Variants in GPC6 observed in about 807,000 individuals in gnomAD.
The protein encoded by GPC6 is glypican-6.
Under a neutral mutation model 55.2 loss-of-function variants are expected in GPC6, and 14 were observed. That is an observed-to-expected ratio of 0.25 (90% confidence interval 0.17 to 0.40). The LOEUF (loss-of-function observed/expected upper bound fraction) is 0.40, where lower values mean the gene tolerates loss of function less well. Among genes scored for constraint, GPC6 ranks in the 10% least tolerant of loss-of-function variants. The pLI is 1.00. For missense variants in GPC6, 641 were observed against 708.5 expected (o/e 0.90, Z 1.08); for synonymous variants, 278 against 259.6 (o/e 1.07, Z -0.68).
At chr13:93,281,244 TA>T (rs925717971) in intron 1 of GPC6, among the ~76,000 whole-genome samples, 5 of 152,174 alleles carry the variant, frequency 3.3e-5, no homozygotes, top group African/African-American at 1.2e-4. Context: ...TGTTGTTTTT[TA>T]AACAGCAACA....
intron 2 of GPC6, among the ~76,000 whole-genome samples, chr13:93,647,676 C>G (rs143946631): frequency 2.4e-4 from 37 of 152,300 alleles, no homozygotes; most frequent in Admixed American, 2.4e-3. Context: ...GTGATTCTTC[C>G]ATAACTGTCA....
chr13:94,047,467 G>A (rs1167678370), intron 4 of GPC6, among the ~76,000 whole-genome samples: 1 of 151,668 alleles, frequency 6.6e-6, no homozygotes, highest in Non-Finnish European at 1.5e-5. Context: ...AGTTAAAGTT[G>A]CATTCCCTGA....
chr13:93,746,518 A>G (rs191507205), intron 2 of GPC6, among the ~76,000 whole-genome samples: 52 of 152,308 alleles, frequency 3.4e-4, no homozygotes, highest in African/African-American at 1.2e-3. Context: ...AATGTGAGCA[A>G]GCATACACTT....
At chr13:93,382,639 A>G (rs1875227909) in intron 1 of GPC6, among the ~76,000 whole-genome samples, 2 of 152,192 alleles carry the variant, frequency 1.3e-5, no homozygotes, top group Non-Finnish European at 2.9e-5. Flanking sequence ...CAGTCAAATA[A>G]TCTTATAAAG....
At chr13:93,271,489 A>T (rs1000540932) in intron 1 of GPC6, among the ~76,000 whole-genome samples, 51 of 152,098 alleles carry the variant, frequency 3.4e-4, no homozygotes, top group African/African-American at 1.1e-3. Flanking sequence ...ACAGTTGATA[A>T]AATGCAGGCG....
chr13:94,261,869 C>A (rs2139050723), intron 4 of GPC6, among the ~76,000 whole-genome samples: 1 of 152,294 alleles, frequency 6.6e-6, no homozygotes, highest in Non-Finnish European at 1.5e-5. Flanking sequence ...TATTGGGAGA[C>A]AAACAAGACC....
chr13:93,446,970 G>T (rs978114794), intron 1 of GPC6, among the ~76,000 whole-genome samples: 1 of 151,806 alleles, frequency 6.6e-6, no homozygotes, highest in Non-Finnish European at 1.5e-5. Context: ...TTTTGGGGGG[G>T]TGGGTGGTGG....
chr13:93,574,650 C>T (rs1876571086), intron 2 of GPC6, among the ~76,000 whole-genome samples: 1 of 152,140 alleles, frequency 6.6e-6, no homozygotes, highest in South Asian at 2.1e-4. Flanking sequence ...CAGAGATGTG[C>T]AACCATCACC....
chr13:93,358,351 A>T (rs923268959), intron 1 of GPC6, among the ~76,000 whole-genome samples: 2 of 152,154 alleles, frequency 1.3e-5, no homozygotes, highest in African/African-American at 2.4e-5. Context: ...AAGACAAAAA[A>T]AAATGGTTAA....
chr13:93,285,636 G>T, intron 1 of GPC6, among the ~76,000 whole-genome samples: 1 of 149,226 alleles, frequency 6.7e-6, no homozygotes, highest in South Asian at 2.1e-4. Flanking sequence ...GTGTGTGTGT[G>T]TGTGTGTGTG....
intron 4 of GPC6, among the ~76,000 whole-genome samples, chr13:94,227,928 T>C (rs1396771086): frequency 6.6e-6 from 1 of 152,128 alleles, no homozygotes; most frequent in Non-Finnish European, 1.5e-5. Context: ...TATTTCACTC[T>C]CAGTTCCTCA....
At chr13:93,964,325 A>G (rs1879920268) in intron 3 of GPC6, among the ~76,000 whole-genome samples, 1 of 152,200 alleles carries the variant, frequency 6.6e-6, no homozygotes, top group Non-Finnish European at 1.5e-5. Context: ...AGGTCCACAC[A>G]TAATGATATC....
chr13:93,387,008 C>T (rs564229601), intron 1 of GPC6, among the ~76,000 whole-genome samples: 9 of 152,072 alleles, frequency 5.9e-5, no homozygotes, highest in Non-Finnish European at 8.8e-5. Flanking sequence ...CAACTAAATC[C>T]GTAATTACAT....
chr13:94,041,205 G>A (rs1025420223), intron 4 of GPC6, among the ~76,000 whole-genome samples: 1 of 151,802 alleles, frequency 6.6e-6, no homozygotes, highest in Non-Finnish European at 1.5e-5. Context: ...TAAAGTATAT[G>A]CCTCATTCTG....
chr13:93,687,336 T>G (rs1882087030), intron 2 of GPC6, among the ~76,000 whole-genome samples: 1 of 152,124 alleles, frequency 6.6e-6, no homozygotes, highest in Non-Finnish European at 1.5e-5. Context: ...CAAAAGTAAT[T>G]GCAGTTGTTG....
intron 4 of GPC6, among the ~76,000 whole-genome samples, chr13:94,197,907 T>C: frequency 6.6e-6 from 1 of 152,212 alleles, no homozygotes; most frequent in Non-Finnish European, 1.5e-5. Flanking sequence ...GGCCAAATAT[T>C]TGTAGCTAAT....
At chr13:94,007,394 G>T (rs1882064948) in intron 3 of GPC6, among the ~76,000 whole-genome samples, 1 of 152,204 alleles carries the variant, frequency 6.6e-6, no homozygotes, top group African/African-American at 2.4e-5. Flanking sequence ...GTCTGTGCGG[G>T]AGATAGACAG....
rs112188196 is a variant in GPC6, at chr13:93,677,607, A to C, written c.319+132186A>C. ...TCGGTTGAGACTAAACTGTGCTCAG[A>C]CTGTAAACAAATCATCAGCAGTGGA... On this transcript the variant is annotated intron_variant, in intron 2 of 8. Coordinates refer to ENST00000377047, the MANE Select transcript of GPC6 (RefSeq NM_005708.5). Among the ~76,000 whole-genome samples the C allele has an allele frequency of 8.8e-3, 1,337 of 152,270 alleles. 34 individuals are homozygous for C. Among genetic ancestry groups the C allele is most frequent in the African/African-American group, 0.03 (1,267 of 41,556 alleles).
At chr13:93,277,625 C>T (rs1877801838) in intron 1 of GPC6, among the ~76,000 whole-genome samples, 1 of 152,136 alleles carries the variant, frequency 6.6e-6, no homozygotes, top group Non-Finnish European at 1.5e-5. Context: ...TGAGTTTAAG[C>T]TACTCTGTGG....
Sources: allele counts gnomAD v4.1 joint callset (sites outside exome capture counted in the v4.1 genomes callset), GRCh38; gene constraint gnomAD v4.1.1; transcripts MANE v1.5; gene names NCBI Gene and HGNC (gene_info 2026-07-23, HGNC 2026-07-21).